SLC24A2: variants seen among roughly 807,000 people sequenced by gnomAD.
SLC24A2 encodes the protein sodium/potassium/calcium exchanger 2.
In SLC24A2, 36 loss-of-function variants were observed where a neutral mutation model predicts 62.0. The ratio of observed to expected loss-of-function variants is 0.58; its 90% confidence interval spans 0.44 to 0.77. SLC24A2 has a LOEUF of 0.77. SLC24A2 is among the 30% of genes least tolerant of loss of function. The pLI is 0.00. For missense variants in SLC24A2, 846 were observed against 817.9 expected, an observed-to-expected ratio of 1.03 and a Z score of -0.42; for synonymous variants, 358 against 294.0, an observed-to-expected ratio of 1.22 and a Z score of -2.23.
the SLC24A2 span, among the ~76,000 whole-genome samples, chr9:19,982,653 G>C: frequency 6.6e-6 from 1 of 152,138 alleles, no homozygotes; most frequent in Admixed American, 6.6e-5. Context: ...CTGAAAAATA[G>C]AAGAAGAGGA....
the SLC24A2 span, among the ~76,000 whole-genome samples, chr9:20,175,938 G>T: frequency 6.6e-6 from 1 of 151,968 alleles, no homozygotes; most frequent in African/African-American, 2.4e-5. Flanking sequence ...GTCTGAAAAA[G>T]CCAGAGAAGA....
Position 19,510,435 on chromosome 9 carries a change from C to CAAAAAAAAAAAAAAAAAAAA in SLC24A2, c.*5698_*5717dup, listed in dbSNP as rs67779057. 1.2e-5 allele frequency: 1 copy of CAAAAAAAAAAAAAAAAAAAA among 86,630 alleles called. No homozygotes were observed. The highest frequency in any genetic ancestry group is 1.2e-4 in the Admixed American group (1 of 8,050). 5.4% of individuals were successfully genotyped at this position (86,630 alleles called of 1,614,324 possible). On this transcript the variant is annotated 3_prime_UTR_variant, in exon 11 of 11. Coordinates refer to ENST00000341998, the MANE Select transcript of SLC24A2 (RefSeq NM_020344.4). ...GTGCCCAGATGCAGTTACTTTTTGC[C>CAAAAAAAAAAAAAAAAAAAA]AAAAAAAAAAAAAAAAAAAAAAAAA...
intron 2 of SLC24A2, among the ~76,000 whole-genome samples, chr9:19,663,274 T>C (rs1412299486): frequency 6.6e-6 from 1 of 152,164 alleles, no homozygotes; most frequent in Admixed American, 6.5e-5. Flanking sequence ...TAAGAGTCCA[T>C]GTCTGTGTGT....
chr9:20,283,996 T>C, the SLC24A2 span, among the ~76,000 whole-genome samples: 5 of 152,200 alleles, frequency 3.3e-5, no homozygotes, highest in Admixed American at 3.3e-4. Flanking sequence ...TGCTTTTCCC[T>C]GGGTTCTACA....
chr9:19,531,171 CTAAG>C (rs1487437832), intron 8 of SLC24A2, among the ~76,000 whole-genome samples: 1 of 152,192 alleles, frequency 6.6e-6, no homozygotes, highest in Non-Finnish European at 1.5e-5. Context: ...AGCAGTTGGG[CTAAG>C]TGTTTCCTAA....
At chr9:19,615,425 G>A (rs1445056462) in intron 4 of SLC24A2, among the ~76,000 whole-genome samples, 1 of 152,184 alleles carries the variant, frequency 6.6e-6, no homozygotes, top group Admixed American at 6.5e-5. Flanking sequence ...ACAAGGACAT[G>A]TGAATTCAAG....
intron 2 of SLC24A2, among the ~76,000 whole-genome samples, chr9:19,707,640 C>A (rs1451017605): frequency 6.6e-6 from 1 of 152,100 alleles, no homozygotes; most frequent in Admixed American, 6.5e-5. Flanking sequence ...ATAAACAGAA[C>A]CAAAGACAAA....
chr9:20,265,201 C>T, the SLC24A2 span, among the ~76,000 whole-genome samples: 1 of 152,196 alleles, frequency 6.6e-6, no homozygotes, highest in East Asian at 1.9e-4. Context: ...TGGCTTCTGT[C>T]AGAGCAGCCG....
the SLC24A2 span, chr9:19,929,251 C>T: frequency 6.6e-6 from 1 of 152,348 alleles, no homozygotes; most frequent in South Asian, 2.1e-4. Flanking sequence ...TTACCCTGGA[C>T]TCTCACCCGT....
chr9:20,154,700 T>G, the SLC24A2 span, among the ~76,000 whole-genome samples: 1 of 151,316 alleles, frequency 6.6e-6, no homozygotes, highest in African/African-American at 2.4e-5. Context: ...TTGGGCTCCA[T>G]GTAACAGAAT....
the SLC24A2 span, among the ~76,000 whole-genome samples, chr9:20,133,524 A>G: frequency 2.0e-5 from 3 of 152,182 alleles, no homozygotes; most frequent in Non-Finnish European, 4.4e-5. Flanking sequence ...GCAAATTACA[A>G]TCACAAAGCT....
chr9:19,727,551 G>A (rs1283787561), intron 2 of SLC24A2, among the ~76,000 whole-genome samples: 1 of 152,130 alleles, frequency 6.6e-6, no homozygotes, highest in Non-Finnish European at 1.5e-5. Flanking sequence ...TTCCCTGCAG[G>A]AGCTCAGACA....
At chr9:19,745,679 T>C (rs189487136) in intron 2 of SLC24A2, among the ~76,000 whole-genome samples, 1 of 152,308 alleles carries the variant, frequency 6.6e-6, no homozygotes, top group East Asian at 1.9e-4. Flanking sequence ...ACAGCTTCAA[T>C]TCCTTTTCTA....
chr9:19,916,093 G>T, the SLC24A2 span, among the ~76,000 whole-genome samples: 1 of 152,036 alleles, frequency 6.6e-6, no homozygotes, highest in Non-Finnish European at 1.5e-5. Flanking sequence ...TAAATGGTGT[G>T]AGGTAGAGGT....
the SLC24A2 span, among the ~76,000 whole-genome samples, chr9:19,820,042 C>CATATATATATATATAT: frequency 3.7e-4 from 12 of 32,856 alleles, no homozygotes; most frequent in African/African-American, 8.3e-4. Context: ...TATATATATA[C>CATATATATATATATAT]ATATATATAT....
At chr9:19,701,939 TA>T (rs200344479) in intron 2 of SLC24A2, among the ~76,000 whole-genome samples, 2,590 of 152,304 alleles carry the variant, frequency 0.017, 50 homozygotes, top group East Asian at 0.094. Flanking sequence ...AGACTAGCAG[TA>T]GCCTACCGTG....
chr9:20,121,633 T>C, the SLC24A2 span, among the ~76,000 whole-genome samples: 156 of 152,282 alleles, frequency 1.0e-3, no homozygotes, highest in Middle Eastern at 3.4e-3. Context: ...TTACCGGGAA[T>C]GTCCATTTTT....
At chr9:20,284,026 G>A in the SLC24A2 span, among the ~76,000 whole-genome samples, 1 of 152,200 alleles carries the variant, frequency 6.6e-6, no homozygotes, top group East Asian at 1.9e-4. Flanking sequence ...CATTTTTAAT[G>A]TTAACAGGTG....
upstream of SLC24A2, among the ~76,000 whole-genome samples, chr9:19,791,183 T>C (rs976538547): frequency 1.3e-4 from 20 of 152,250 alleles, no homozygotes; most frequent in African/African-American, 3.4e-4. Flanking sequence ...TTTCTTAATG[T>C]ATGGCTTTAT....
Sources: gnomAD v4.1 joint callset for allele counts (sites outside exome capture counted in the v4.1 genomes callset) on GRCh38, gnomAD v4.1.1 for gene constraint, MANE v1.5 for transcripts, NCBI Gene and HGNC (gene_info 2026-07-23, HGNC 2026-07-21) for gene names.